Variants in SGCD observed in about 807,000 individuals in gnomAD.
SGCD encodes sarcoglycan delta, also known as delta-sarcoglycan.
SGCD carries 18 observed loss-of-function variants against 36.6 expected under a neutral mutation model. That is an observed-to-expected ratio of 0.49 (90% CI 0.34 to 0.73). SGCD has a LOEUF of 0.73. Among genes scored for constraint, SGCD ranks in the 30% least tolerant of loss-of-function variants. SGCD has a pLI of 0.01. For missense variants in SGCD, 387 were observed against 346.7 expected (o/e 1.12, Z -0.92); for synonymous variants, 133 against 130.6 (o/e 1.02, Z -0.12).
At chr5:156,631,116 A>G (rs563003083) in intron 6 of SGCD, among the ~76,000 whole-genome samples, 1 of 152,316 alleles carries the variant, frequency 6.6e-6, no homozygotes, top group Non-Finnish European at 1.5e-5. Flanking sequence ...GAAGATGTCT[A>G]ATCTACTTAC....
chr5:156,099,798 TATAAATA>T (rs1233533220), intron 1 of SGCD, among the ~76,000 whole-genome samples: 3 of 151,962 alleles, frequency 2.0e-5, no homozygotes, highest in Admixed American at 6.6e-5. Context: ...AATATATTAT[TATAAATA>T]ATAAATAATA....
intron 7 of SGCD, among the ~76,000 whole-genome samples, chr5:156,730,881 T>C (rs1756026923): frequency 2.0e-5 from 3 of 152,140 alleles, no homozygotes; most frequent in Non-Finnish European, 4.4e-5. Context: ...AAGCATTCCT[T>C]TTTCTCCACA....
intron 3 of SGCD, among the ~76,000 whole-genome samples, chr5:156,505,985 C>T (rs951202061): frequency 3.3e-5 from 5 of 152,044 alleles, no homozygotes; most frequent in African/African-American, 9.7e-5. Flanking sequence ...ACAATTCAGC[C>T]TCCCTGGGTA....
chr5:156,287,273 C>G (rs770641749), intron 3 of SGCD, among the ~76,000 whole-genome samples: 1 of 152,122 alleles, frequency 6.6e-6, no homozygotes, highest in Non-Finnish European at 1.5e-5. Context: ...TTCAGCAGAT[C>G]TGGAAGGGAG....
At chr5:155,936,827 C>A (rs140774992) in intron 1 of SGCD, among the ~76,000 whole-genome samples, 1 of 152,190 alleles carries the variant, frequency 6.6e-6, no homozygotes, top group Non-Finnish European at 1.5e-5. Context: ...CAGGCCAGCT[C>A]TGAGCTGCCC....
chr5:156,463,520 A>G (rs1022182819), intron 3 of SGCD, among the ~76,000 whole-genome samples: 1 of 152,136 alleles, frequency 6.6e-6, no homozygotes, highest in Non-Finnish European at 1.5e-5. Flanking sequence ...ATTAATCTCA[A>G]GAGGGAATGT....
At chr5:156,202,561 ACAGT>A (rs1199000348) in intron 3 of SGCD, among the ~76,000 whole-genome samples, 2 of 152,236 alleles carry the variant, frequency 1.3e-5, no homozygotes, top group South Asian at 2.1e-4. Context: ...ACTGGAAGAG[ACAGT>A]CAAAGTCTCT....
chr5:156,027,068 A>AGTT (rs2127574692), intron 1 of SGCD, among the ~76,000 whole-genome samples: 1 of 152,326 alleles, frequency 6.6e-6, no homozygotes, highest in African/African-American at 2.4e-5. Context: ...ACTTGCTGTT[A>AGTT]ACCAGCAGTA....
At chr5:155,905,699 A>G (rs1756492616) in intron 1 of SGCD, among the ~76,000 whole-genome samples, 1 of 152,104 alleles carries the variant, frequency 6.6e-6, no homozygotes, top group South Asian at 2.1e-4. Flanking sequence ...TAACTGAATC[A>G]TGGGGACCAG....
At chr5:156,607,074 A>G (rs1761501059) in intron 6 of SGCD, among the ~76,000 whole-genome samples, 1 of 152,214 alleles carries the variant, frequency 6.6e-6, no homozygotes, top group South Asian at 2.1e-4. Flanking sequence ...CAGAACTTCC[A>G]ACACTATGTT....
At chr5:156,289,153 G>A (rs531808314) in intron 3 of SGCD, among the ~76,000 whole-genome samples, 6 of 152,124 alleles carry the variant, frequency 3.9e-5, no homozygotes, top group Admixed American at 3.3e-4. Context: ...AAAACACTGT[G>A]TGTATTGATC....
chr5:155,957,214 T>C (rs1757680887), intron 1 of SGCD, among the ~76,000 whole-genome samples: 1 of 152,118 alleles, frequency 6.6e-6, no homozygotes, highest in African/African-American at 2.4e-5. Context: ...TGGGGAAGTC[T>C]GCGTAGTGAA....
chr5:156,021,735 G>A (rs946384712), intron 1 of SGCD, among the ~76,000 whole-genome samples: 2 of 152,102 alleles, frequency 1.3e-5, no homozygotes, highest in African/African-American at 4.8e-5. Context: ...GCAGAGGTCT[G>A]GTGTGAGCCG....
At position 156,554,223 on chromosome 5, in the gene SGCD, C is replaced by T. The variant is rs1434684110; in HGVS notation, c.295-35008C>T. ...ACACAAAAATTAGCCAGGCATGTGG[C>T]GCACGCCTGTAATCTCAGCTACTTG... On this transcript the variant is annotated intron_variant, in intron 4 of 8. Transcript: ENST00000337851. 7.2e-5 allele frequency among the ~76,000 whole-genome samples: 11 copies of T among 152,046 alleles called. No homozygotes were observed. The East Asian group carries it at 1.2e-3, about 16-fold the overall frequency.
chr5:155,814,466 T>C, the SGCD span, among the ~76,000 whole-genome samples: 1 of 152,224 alleles, frequency 6.6e-6, no homozygotes, highest in East Asian at 1.9e-4. Context: ...TGATAATTTT[T>C]GGTTAATTTC....
At chr5:156,151,098 CA>C (rs1358837851) in intron 3 of SGCD, among the ~76,000 whole-genome samples, 4 of 151,666 alleles carry the variant, frequency 2.6e-5, no homozygotes, top group Non-Finnish European at 4.4e-5. Context: ...CTAGATACAT[CA>C]GGGGGAGCCA....
chr5:156,688,512 A>C (rs1753989705), intron 7 of SGCD, among the ~76,000 whole-genome samples: 1 of 152,200 alleles, frequency 6.6e-6, no homozygotes, highest in Non-Finnish European at 1.5e-5. Flanking sequence ...ATTTTTTTAA[A>C]GGATGTCAGA....
At chr5:156,487,582 G>T (rs1304468011) in intron 3 of SGCD, among the ~76,000 whole-genome samples, 1 of 151,974 alleles carries the variant, frequency 6.6e-6, no homozygotes, top group Non-Finnish European at 1.5e-5. Context: ...GAGGTCAGAA[G>T]TTCAAGACCA....
intron 3 of SGCD, among the ~76,000 whole-genome samples, chr5:156,244,603 C>T (rs1423133465): frequency 6.6e-6 from 1 of 152,094 alleles, no homozygotes; most frequent in Non-Finnish European, 1.5e-5. Flanking sequence ...TTGTTCCCTT[C>T]TGGCAATATT....
Sources: gnomAD v4.1 joint callset for allele counts (sites outside exome capture counted in the v4.1 genomes callset) on GRCh38, gnomAD v4.1.1 for gene constraint, MANE v1.5 for transcripts, NCBI Gene and HGNC (gene_info 2026-07-23, HGNC 2026-07-21) for gene names.